The following SLCO1B3 variants were observed in gnomAD, a reference collection of about 807,000 sequenced individuals.
The protein encoded by SLCO1B3 is liver-specific organic anion transporter 2.
SLCO1B3 carries 72 observed loss-of-function variants against 71.8 expected under a neutral mutation model. The ratio of observed to expected loss-of-function variants is 1.00; its 90% CI spans 0.83 to 1.22. The LOEUF (loss-of-function observed/expected upper bound fraction) is 1.22. Among genes scored for constraint, SLCO1B3 ranks in the 50% most tolerant of loss-of-function variants. The pLI, the probability that SLCO1B3 is intolerant of heterozygous loss-of-function variation, is 0.00. For synonymous variants in SLCO1B3, 298 were observed against 278.4 expected, an observed-to-expected ratio of 1.07 and a Z score of -0.70; for missense variants, 911 against 819.7, an observed-to-expected ratio of 1.11 and a Z score of -1.36.
chr12:20,833,735 AATTTATTTATGTAATATG>A (rs1864599893), intron 3 of SLCO1B3, among the ~76,000 whole-genome samples: 1 of 147,008 alleles, frequency 6.8e-6, no homozygotes, highest in East Asian at 2.0e-4. Flanking sequence ...TTACATATGT[AATTTATTTATGTAATATG>A]TATTACATAT....
intron 3 of SLCO1B3, among the ~76,000 whole-genome samples, chr12:20,829,641 C>T (rs1333232241): frequency 6.6e-6 from 1 of 152,098 alleles, no homozygotes; most frequent in African/African-American, 2.4e-5. Context: ...GGATCTTGCT[C>T]AAGAAGGAAT....
intron 14 of SLCO1B3, among the ~76,000 whole-genome samples, chr12:20,899,847 T>A (rs1866094109): frequency 6.6e-6 from 1 of 152,212 alleles, no homozygotes; most frequent in Non-Finnish European, 1.5e-5. Context: ...TTTTGTTATG[T>A]CCAATATATG....
At chr12:20,909,168 T>TTTC (rs796246894) in intron 15 of SLCO1B3, among the ~76,000 whole-genome samples, 1 of 145,538 alleles carries the variant, frequency 6.9e-6, no homozygotes, top group African/African-American at 2.6e-5. Flanking sequence ...TCTTTTTCTT[T>TTTC]TTTTTTTTTT....
chr12:20,891,622 C>A (rs999335312), intron 13 of SLCO1B3, among the ~76,000 whole-genome samples: 2 of 152,092 alleles, frequency 1.3e-5, no homozygotes, highest in Non-Finnish European at 2.9e-5. Flanking sequence ...GTTTCCCACA[C>A]TTTTAACTTT....
At chr12:20,914,603 C>G (rs936128848) in intron 15 of SLCO1B3, among the ~76,000 whole-genome samples, 1 of 152,022 alleles carries the variant, frequency 6.6e-6, no homozygotes, top group Admixed American at 6.6e-5. Context: ...GATTTCTTCT[C>G]TGATATTCTT....
intron 15 of SLCO1B3, among the ~76,000 whole-genome samples, chr12:20,904,041 C>A (rs1362318756): frequency 6.6e-6 from 1 of 151,950 alleles, no homozygotes; most frequent in Non-Finnish European, 1.5e-5. Context: ...AGATTGAGAC[C>A]ATCCTGGTTA....
chr12:20,913,655 C>T (rs1866431400), intron 15 of SLCO1B3, among the ~76,000 whole-genome samples: 1 of 152,104 alleles, frequency 6.6e-6, no homozygotes, highest in Admixed American at 6.6e-5. Flanking sequence ...TGTATATCTT[C>T]CTCAGTCTAA....
intron 8 of SLCO1B3, among the ~76,000 whole-genome samples, chr12:20,871,562 T>G (rs1245891847): frequency 6.6e-6 from 1 of 152,144 alleles, no homozygotes; most frequent in Admixed American, 6.6e-5. Context: ...TACTAGGCTT[T>G]TTAGGTATAT....
At position 20,832,126 on chromosome 12, in the gene SLCO1B3, C is replaced by G. The variant is rs936151495; in HGVS notation, c.84+16304C>G. 1.8e-4 allele frequency among the ~76,000 whole-genome samples: 27 copies of G among 152,120 alleles called. 1 individual carries two copies. The highest frequency in any genetic ancestry group is 6.3e-4 in the African/African-American group (26 of 41,418). Reference sequence around the variant, plus strand: ...CTGTGGACTTTTGTGCTATTAGTACCTTTAAGCGGTGTGGCCTATTTAATG... The same window carrying G: ...CTGTGGACTTTTGTGCTATTAGTACGTTTAAGCGGTGTGGCCTATTTAATG... On this transcript the variant is annotated intron_variant, in intron 3 of 15. Coordinates refer to ENST00000381545, the MANE Select transcript of SLCO1B3 (RefSeq NM_019844.4).
intron 1 of SLCO1B3, among the ~76,000 whole-genome samples, chr12:20,810,979 A>G (rs1373874011): frequency 6.6e-6 from 1 of 152,206 alleles, no homozygotes; most frequent in Non-Finnish European, 1.5e-5. Flanking sequence ...ATAAGAGTAA[A>G]TCATACCTTT....
chr12:20,882,207 G>T (rs1451183471), intron 12 of SLCO1B3, among the ~76,000 whole-genome samples: 1 of 152,076 alleles, frequency 6.6e-6, no homozygotes, highest in Admixed American at 6.6e-5. Flanking sequence ...ATTGGCAATG[G>T]CTATGCTATG....
intron 15 of SLCO1B3, among the ~76,000 whole-genome samples, chr12:20,915,276 G>T (rs71446734): frequency 0.13 from 20,206 of 151,818 alleles, 1,490 homozygotes; most frequent in East Asian, 0.26. Flanking sequence ...AATCCATGAA[G>T]GCATTTATCA....
At chr12:20,881,051 C>T in intron 12 of SLCO1B3, 31 bp downstream of exon 12, 1 of 1,471,036 alleles carries the variant, frequency 6.8e-7, no homozygotes, top group Non-Finnish European at 9.3e-7. Flanking sequence ...TTTCTCCTCT[C>T]CTTAATCAAA....
At chr12:20,915,623 C>T (rs1866476346) in intron 15 of SLCO1B3, among the ~76,000 whole-genome samples, 1 of 152,122 alleles carries the variant, frequency 6.6e-6, no homozygotes, top group Non-Finnish European at 1.5e-5. Context: ...AAGTAGCATC[C>T]TGTAGTTCTA....
At chr12:20,851,604 T>G (rs1010090074) in intron 3 of SLCO1B3, among the ~76,000 whole-genome samples, 3 of 152,216 alleles carry the variant, frequency 2.0e-5, no homozygotes, top group Non-Finnish European at 4.4e-5. Flanking sequence ...AATTATTTTC[T>G]GCCATTCTAT....
intron 9 of SLCO1B3, among the ~76,000 whole-genome samples, chr12:20,877,227 A>C (rs1156346503): frequency 1.5e-5 from 2 of 137,546 alleles, no homozygotes; most frequent in Non-Finnish European, 3.2e-5. Context: ...GGCAACTGTA[A>C]ACATTTTCTA....
In SLCO1B3 at chr12:20,816,456, G is replaced by T. The variant is rs183752439; in HGVS notation, c.84+634G>T. Among the ~76,000 whole-genome samples, 410 of 152,182 alleles carry T rather than the reference G, an allele frequency of 2.7e-3. 3 individuals carry two copies. Among genetic ancestry groups the T allele is most frequent in the African/African-American group, 9.1e-3 (376 of 41,518 alleles). On this transcript the variant is annotated intron_variant, in intron 3 of 15. Transcript: ENST00000381545. ...CCACAAATAACTGAGAACATGCAAT[G>T]TTTGTCTTTCTGTGCCTGGATTATT...
rs374193775 is a variant in SLCO1B3, at chr12:20,853,666, A to G, written c.85-1362A>G. Among the ~76,000 whole-genome samples, 126 of 152,044 alleles carry G rather than the reference A, an allele frequency of 8.3e-4. 2 individuals carry two copies. The South Asian group carries it at 0.025, about 30-fold the overall frequency. ...TCTCTCAGTTTTGTTGATATATTCA[A>G]AAGACCAACTTGGGTTCATTAATTT... On this transcript the variant is annotated intron_variant, in intron 3 of 15. Coordinates refer to ENST00000381545, the MANE Select transcript of SLCO1B3 (RefSeq NM_019844.4).
intron 3 of SLCO1B3, chr12:20,844,939 A>T (rs529991656): frequency 1.0e-5 from 2 of 199,192 alleles, no homozygotes; most frequent in East Asian, 3.4e-4. Flanking sequence ...CTGAGGCAGG[A>T]GAATTGCTTG....
Sources: allele counts gnomAD v4.1 joint callset (sites outside exome capture counted in the v4.1 genomes callset), GRCh38; gene constraint gnomAD v4.1.1; transcripts MANE v1.5; gene names NCBI Gene and HGNC (gene_info 2026-07-23, HGNC 2026-07-21).